The following CDK14 variants were observed in gnomAD, a reference collection of about 807,000 sequenced individuals.
CDK14 encodes cyclin-dependent kinase 14.
CDK14 carries 34 observed loss-of-function variants against 60.7 expected under a neutral mutation model. That is an observed-to-expected ratio of 0.56 (90% CI 0.43 to 0.75). CDK14 has a LOEUF of 0.75. Ranked by LOEUF, CDK14 falls within the 30% of genes least tolerant of loss-of-function variation. The probability of loss-of-function intolerance (pLI) is 0.00; values close to 1 mark genes in which losing one functional copy is unlikely to be tolerated. For synonymous variants in CDK14, 197 were observed against 203.7 expected, an observed-to-expected ratio of 0.97 and a Z score of 0.28; for missense variants, 482 against 564.1, an observed-to-expected ratio of 0.85 and a Z score of 1.47.
intron 10 of CDK14, among the ~76,000 whole-genome samples, chr7:91,027,732 G>A (rs1458690955): frequency 4.1e-5 from 6 of 145,290 alleles, no homozygotes; most frequent in African/African-American, 1.5e-4. Context: ...TAGTGGTGAA[G>A]TCTGGGCTTT....
At chr7:90,927,843 G>C (rs1453323091) in intron 8 of CDK14, among the ~76,000 whole-genome samples, 1 of 152,106 alleles carries the variant, frequency 6.6e-6, no homozygotes, top group African/African-American at 2.4e-5. Flanking sequence ...GTCACTTTCA[G>C]GTATACCAAT....
chr7:90,677,504 G>A (rs1185726191), intron 2 of CDK14, among the ~76,000 whole-genome samples: 1 of 152,096 alleles, frequency 6.6e-6, no homozygotes, highest in African/African-American at 2.4e-5. Flanking sequence ...GTAAAATCTT[G>A]GTTTCAGTTG....
At chr7:91,044,362 A>T (rs1411413029) in intron 10 of CDK14, among the ~76,000 whole-genome samples, 1 of 152,218 alleles carries the variant, frequency 6.6e-6, no homozygotes, top group Non-Finnish European at 1.5e-5. Context: ...AAAAGGGGTT[A>T]CCAAAAGGGT....
At chr7:90,614,994 G>A (rs1442975903) in intron 2 of CDK14, among the ~76,000 whole-genome samples, 3 of 152,072 alleles carry the variant, frequency 2.0e-5, no homozygotes, top group African/African-American at 7.2e-5. Context: ...TCATCTGCAA[G>A]TATGGCATGT....
At chr7:91,129,036 T>C (rs183283949) in intron 14 of CDK14, among the ~76,000 whole-genome samples, 2 of 152,334 alleles carry the variant, frequency 1.3e-5, no homozygotes, top group East Asian at 3.9e-4. Flanking sequence ...AGAAGGTCCC[T>C]GGATACTAAA....
chr7:91,066,251 C>A (rs1797976285), intron 11 of CDK14, among the ~76,000 whole-genome samples: 2 of 152,094 alleles, frequency 1.3e-5, no homozygotes, highest in South Asian at 2.1e-4. Context: ...AATGCTTGTT[C>A]CATGGTATTG....
intron 10 of CDK14, among the ~76,000 whole-genome samples, chr7:91,014,417 C>T (rs868713864): frequency 1.3e-5 from 2 of 152,230 alleles, no homozygotes; most frequent in East Asian, 1.9e-4. Flanking sequence ...GTGAACTTTT[C>T]GTTCCTTTCT....
At position 90,774,769 on chromosome 7, in the gene CDK14, A is replaced by G. The variant is rs563998600; in HGVS notation, c.465-15804A>G. ...TATAACTTAAACTTCAGGGGTGTGT[A>G]TGTGTGTTTTGGTCTCTATTAGAAT... is the stretch of plus-strand genomic sequence containing the variant. On this transcript the variant is annotated intron_variant, in intron 4 of 14. Coordinates refer to ENST00000380050, the MANE Select transcript of CDK14 (RefSeq NM_001287135.2). Among the ~76,000 whole-genome samples, 10 of 152,314 alleles carry G rather than the reference A, an allele frequency of 6.6e-5. No homozygotes were observed. In the South Asian group the frequency reaches 2.1e-3, roughly 32 times the overall value.
chr7:91,000,501 C>T (rs1795807555), intron 10 of CDK14, among the ~76,000 whole-genome samples: 1 of 152,164 alleles, frequency 6.6e-6, no homozygotes, highest in South Asian at 2.1e-4. Context: ...GGATAGGATT[C>T]AAGAAAGTAA....
At chr7:90,998,622 C>T (rs1273092421) in intron 10 of CDK14, among the ~76,000 whole-genome samples, 1 of 152,198 alleles carries the variant, frequency 6.6e-6, no homozygotes, top group East Asian at 1.9e-4. Flanking sequence ...GGCGCGGTGG[C>T]TCACGCCTGT....
intron 2 of CDK14, among the ~76,000 whole-genome samples, chr7:90,667,453 A>G (rs1036272544): frequency 3.9e-5 from 6 of 151,910 alleles, no homozygotes; most frequent in African/African-American, 1.5e-4. Flanking sequence ...TTCTCCCTCC[A>G]CTAACATAGT....
intron 5 of CDK14, among the ~76,000 whole-genome samples, chr7:90,841,398 A>G (rs943877906): frequency 7.9e-5 from 12 of 152,080 alleles, no homozygotes; most frequent in African/African-American, 2.9e-4. Flanking sequence ...AGGAGGGACT[A>G]TATGGGAACC....
intron 11 of CDK14, among the ~76,000 whole-genome samples, chr7:91,054,304 T>C (rs1797491244): frequency 6.6e-6 from 1 of 152,156 alleles, no homozygotes; most frequent in South Asian, 2.1e-4. Context: ...AAATATCTGC[T>C]TTTTATCTCA....
intron 5 of CDK14, among the ~76,000 whole-genome samples, chr7:90,798,061 A>G (rs772233137): frequency 1.6e-4 from 25 of 152,032 alleles, no homozygotes; most frequent in Admixed American, 6.6e-5. Flanking sequence ...TAAACTCAGA[A>G]TTTGGAATGT....
chr7:90,812,712 G>C (rs1265707074), intron 5 of CDK14, among the ~76,000 whole-genome samples: 2 of 152,290 alleles, frequency 1.3e-5, no homozygotes, highest in African/African-American at 4.8e-5. Context: ...AAAAACCACA[G>C]TGAGCTATTA....
chr7:91,113,746 A>G (rs1175347478), intron 13 of CDK14, among the ~76,000 whole-genome samples: 2 of 152,130 alleles, frequency 1.3e-5, no homozygotes, highest in Non-Finnish European at 2.9e-5. Context: ...ATTCTCCTTG[A>G]TGGCAATAAC....
chr7:90,968,040 GAATT>G (rs1794809453), intron 9 of CDK14, among the ~76,000 whole-genome samples: 1 of 152,114 alleles, frequency 6.6e-6, no homozygotes, highest in Admixed American at 6.5e-5. Flanking sequence ...TGACAATTGT[GAATT>G]AATTCTTCAG....
At chr7:90,683,003 G>C (rs991274459) in intron 2 of CDK14, among the ~76,000 whole-genome samples, 3 of 152,156 alleles carry the variant, frequency 2.0e-5, no homozygotes, top group African/African-American at 7.2e-5. Flanking sequence ...TAGTCAAGGT[G>C]TTAGTCGATT....
intron 7 of CDK14, among the ~76,000 whole-genome samples, chr7:90,913,047 T>A (rs919974248): frequency 2.6e-5 from 4 of 152,242 alleles, no homozygotes; most frequent in African/African-American, 9.6e-5. Flanking sequence ...CTGATTCTTA[T>A]GCTTTAGAAA....
Sources: gnomAD v4.1 joint callset for allele counts (sites outside exome capture counted in the v4.1 genomes callset) on GRCh38, gnomAD v4.1.1 for gene constraint, MANE v1.5 for transcripts, NCBI Gene and HGNC (gene_info 2026-07-23, HGNC 2026-07-21) for gene names.